Variants in STK24 observed in about 807,000 individuals in gnomAD.
The protein encoded by STK24 is serine/threonine kinase 24, also known as serine/threonine-protein kinase 24.
In STK24, 21 loss-of-function variants were observed where a neutral mutation model predicts 55.6. The ratio of observed to expected loss-of-function variants is 0.38; its 90% CI spans 0.27 to 0.54. The LOEUF is 0.54. Ranked by LOEUF, STK24 falls within the 20% of genes least tolerant of loss-of-function variation. The pLI is 0.79. For synonymous variants in STK24, 200 were observed against 215.2 expected (o/e 0.93, Z 0.62); for missense variants, 383 against 538.4 (o/e 0.71, Z 2.86).
chr13:98,471,842 T>C (rs1894160621), intron 5 of STK24, among the ~76,000 whole-genome samples: 1 of 152,222 alleles, frequency 6.6e-6, no homozygotes, highest in Admixed American at 6.5e-5. Context: ...CGTGTGAACC[T>C]AGGTGTGACT....
chr13:98,461,964 C>T (rs1893725647), intron 7 of STK24, 67 bp from the exon 8 acceptor site: 1 of 1,591,442 alleles, frequency 6.3e-7, no homozygotes, highest in African/African-American at 1.3e-5. Flanking sequence ...CTGGGACGTT[C>T]AGGGGGAGGC....
At chr13:98,490,571 T>G (rs1447549963) in intron 2 of STK24, among the ~76,000 whole-genome samples, 3 of 152,148 alleles carry the variant, frequency 2.0e-5, no homozygotes, top group African/African-American at 7.2e-5. Context: ...CATACAATAC[T>G]AAGTTGGACT....
intron 1 of STK24, among the ~76,000 whole-genome samples, chr13:98,564,962 G>A (rs75347699): frequency 6.6e-5 from 10 of 152,194 alleles, no homozygotes; most frequent in South Asian, 2.1e-4. Flanking sequence ...TGCTAAAATC[G>A]CAAAGGCTCT....
In STK24 at chr13:98,482,219, T is replaced by G. The variant is rs770987310; in HGVS notation, c.330+46A>C. On this transcript the variant is annotated intron_variant, in intron 3 of 10. Coordinates refer to ENST00000539966, the MANE Select transcript of STK24 (RefSeq NM_001032296.4). Reference sequence around the variant, plus strand: ...TGGATTCTTTAAAACCCAGGTTTCCTGAGAAAAAGCTTTGATACGTATTCT... The same window carrying G: ...TGGATTCTTTAAAACCCAGGTTTCCGGAGAAAAAGCTTTGATACGTATTCT... 91 of 1,165,914 alleles carry G rather than the reference T, an allele frequency of 7.8e-5. 1 individual carries two copies. In the South Asian group the frequency reaches 1.3e-3, roughly 17 times the overall value. The allele number at this position is 1,165,914 out of a possible 1,614,324, so 72.2% of individuals were successfully genotyped here. A position where few individuals can be genotyped will look rare whatever the true frequency, so the allele number is the denominator to read the frequency against.
At chr13:98,489,916 C>T (rs1340285686) in intron 2 of STK24, among the ~76,000 whole-genome samples, 1 of 152,068 alleles carries the variant, frequency 6.6e-6, no homozygotes, top group Non-Finnish European at 1.5e-5. Flanking sequence ...AAAGTAAGAG[C>T]GAGGAGAAAA....
intron 1 of STK24, among the ~76,000 whole-genome samples, chr13:98,525,041 T>C (rs372489375): frequency 2.6e-5 from 4 of 152,314 alleles, no homozygotes. Flanking sequence ...TAAAGCAGGG[T>C]TCCCTGCGCG....
chr13:98,465,587 C>T (rs9513429), intron 6 of STK24, among the ~76,000 whole-genome samples: 7,274 of 152,336 alleles, frequency 0.048, 245 homozygotes, highest in Non-Finnish European at 0.062. Context: ...TCTCCTTAGA[C>T]GTACTTAGAA....
At chr13:98,456,258 G>A in intron 10 of STK24, 2 of 342,742 alleles carry the variant, frequency 5.8e-6, no homozygotes, top group East Asian at 7.9e-5. Context: ...ATAGCAAAAG[G>A]GACCTCACGT....
Position 98,446,289 on chromosome 13 carries a change from C to G in STK24, c.*6884G>C. 2.3e-6 allele frequency: 2 copies of G among 862,310 alleles called. No homozygotes were observed. Among genetic ancestry groups the G allele is most frequent in the Non-Finnish European group, 3.8e-6 (2 of 530,076 alleles). 53.4% of individuals were successfully genotyped at this position (862,310 alleles called of 1,614,324 possible). A position where few individuals can be genotyped will look rare whatever the true frequency, so the allele number is the denominator to read the frequency against. On this transcript the variant is annotated 3_prime_UTR_variant, in exon 11 of 11. Coordinates refer to ENST00000539966, the MANE Select transcript of STK24 (RefSeq NM_001032296.4). ...AGGGGGCCGCCCTCCTCTGGAATGA[C>G]TCAGGCCTCTTGGGCTCCAGGTGTC...
intron 1 of STK24, among the ~76,000 whole-genome samples, chr13:98,538,716 A>ACCTCCTGGAGGGAGCT (rs1896802890): frequency 6.6e-6 from 1 of 151,974 alleles, no homozygotes; most frequent in Admixed American, 6.6e-5. Flanking sequence ...CTACAAAACC[A>ACCTCCTGGAGGGAGCT]TGCCTTGTGC....
chr13:98,534,931 T>C (rs1896673226), intron 1 of STK24, among the ~76,000 whole-genome samples: 1 of 152,220 alleles, frequency 6.6e-6, no homozygotes, highest in African/African-American at 2.4e-5. Context: ...CTTTGTCTAT[T>C]GCAATTCCCC....
At chr13:98,508,259 A>G (rs1408259741) in intron 2 of STK24, among the ~76,000 whole-genome samples, 1 of 152,216 alleles carries the variant, frequency 6.6e-6, no homozygotes, top group East Asian at 1.9e-4. Flanking sequence ...TGAAAAACTG[A>G]TGGATTAACT....
intron 1 of STK24, among the ~76,000 whole-genome samples, chr13:98,566,349 G>A (rs562033927): frequency 1.3e-5 from 2 of 152,248 alleles, no homozygotes; most frequent in African/African-American, 2.4e-5. Flanking sequence ...CAGGAGGGCA[G>A]AGCTGTGTTG....
At chr13:98,464,495 CTTTTTTTT>C (rs551373383) in intron 6 of STK24, among the ~76,000 whole-genome samples, 1 of 106,804 alleles carries the variant, frequency 9.4e-6, no homozygotes, top group African/African-American at 3.3e-5. Flanking sequence ...TGTTGTTTAA[CTTTTTTTT>C]TTTTTTTTTT....
chr13:98,469,357 C>T (rs778335692), intron 5 of STK24, among the ~76,000 whole-genome samples: 15 of 152,026 alleles, frequency 9.9e-5, no homozygotes, highest in East Asian at 3.9e-4. Flanking sequence ...GAGACCAGCC[C>T]GGCCAACATG....
chr13:98,573,754 T>C (rs181294213), intron 1 of STK24, among the ~76,000 whole-genome samples: 33 of 152,222 alleles, frequency 2.2e-4, no homozygotes, highest in Admixed American at 1.6e-3. Context: ...GCATGATGAG[T>C]GGGAGTAGGA....
intron 1 of STK24, among the ~76,000 whole-genome samples, chr13:98,544,371 A>T (rs1896977260): frequency 6.6e-6 from 1 of 152,258 alleles, no homozygotes; most frequent in South Asian, 2.1e-4. Context: ...CCTAACCAGG[A>T]AGGTTTCCTG....
chr13:98,458,566 G>A (rs750510596), intron 9 of STK24, among the ~76,000 whole-genome samples: 6 of 152,126 alleles, frequency 3.9e-5, no homozygotes, highest in African/African-American at 9.7e-5. Context: ...GCCCCGAGGC[G>A]GCCACTCGTG....
At chr13:98,549,766 A>G (rs796073188) in intron 1 of STK24, among the ~76,000 whole-genome samples, 15 of 152,360 alleles carry the variant, frequency 9.8e-5, no homozygotes, top group African/African-American at 3.1e-4. Flanking sequence ...TTATAGCAAC[A>G]GAAGAACAGC....
Sources: gnomAD v4.1 joint callset for allele counts (sites outside exome capture counted in the v4.1 genomes callset) on GRCh38, gnomAD v4.1.1 for gene constraint, MANE v1.5 for transcripts, NCBI Gene and HGNC (gene_info 2026-07-23, HGNC 2026-07-21) for gene names.